The following TBC1D22B variants were observed in gnomAD, a reference collection of about 807,000 sequenced individuals.
TBC1D22B encodes the protein chromosome 6 open reading frame 197.
A neutral mutation model predicts 69.1 loss-of-function variants in TBC1D22B; 32 were observed. The ratio of observed to expected loss-of-function variants is 0.46; its 90% confidence interval spans 0.35 to 0.62. TBC1D22B has a LOEUF of 0.62. Among genes scored for constraint, TBC1D22B ranks in the 20% least tolerant of loss-of-function variants. The pLI is 0.00. For missense variants in TBC1D22B, 462 were observed against 630.9 expected, an observed-to-expected ratio of 0.73 and a Z score of 2.87; for synonymous variants, 206 against 229.8, an observed-to-expected ratio of 0.90 and a Z score of 0.94.
At chr6:37,266,606 T>C (rs901755535) in intron 1 of TBC1D22B, among the ~76,000 whole-genome samples, 2 of 151,922 alleles carry the variant, frequency 1.3e-5, no homozygotes, top group Non-Finnish European at 2.9e-5. Context: ...GGATTACAGG[T>C]GCCTGCCACC....
At chr6:37,312,276 C>T (rs774241666) in intron 8 of TBC1D22B, among the ~76,000 whole-genome samples, 33 of 152,088 alleles carry the variant, frequency 2.2e-4, no homozygotes, top group Non-Finnish European at 4.6e-4. Context: ...GTCTGTGGAA[C>T]CCCCCCTTTT....
rs1382065829 is a variant in TBC1D22B, at chr6:37,331,267, C to A, written c.*95C>A. On this transcript the variant is annotated 3_prime_UTR_variant, in exon 13 of 13. Transcript: ENST00000373491. ...CGAGCCGTGGACCCCGGCCAGGAAC[C>A]ACTCCTGTTGTACAAAGCTCACACC... The A allele has an allele frequency of 3.7e-6, 5 of 1,337,460 alleles. No homozygotes were observed. The Admixed American group carries it at 7.1e-5, about 19-fold the overall frequency. 82.8% of individuals were successfully genotyped at this position (1,337,460 alleles called of 1,614,324 possible). A position where few individuals can be genotyped will look rare whatever the true frequency, so the allele number is the denominator to read the frequency against.
intron 1 of TBC1D22B, among the ~76,000 whole-genome samples, chr6:37,268,350 TCCCAA>T (rs1220271790): frequency 1.3e-5 from 2 of 152,054 alleles, no homozygotes; most frequent in African/African-American, 4.8e-5. Context: ...CGTCTCAGCC[TCCCAA>T]GTAGCTGAGG....
chr6:37,330,411 T>C (rs900387493), intron 12 of TBC1D22B, among the ~76,000 whole-genome samples: 1 of 152,012 alleles, frequency 6.6e-6, no homozygotes, highest in Non-Finnish European at 1.5e-5. Flanking sequence ...GCTAATTGTT[T>C]GTATTTTTAG....
intron 8 of TBC1D22B, chr6:37,295,621 A>T: frequency 2.3e-6 from 1 of 433,584 alleles, no homozygotes; most frequent in Non-Finnish European, 4.7e-6. Context: ...AGTTGAGTTT[A>T]CTATTATCAA....
intron 2 of TBC1D22B, among the ~76,000 whole-genome samples, chr6:37,272,364 C>G (rs1384575734): frequency 7.4e-6 from 1 of 135,862 alleles, no homozygotes; most frequent in Non-Finnish European, 1.6e-5. Flanking sequence ...TATGTCCAGC[C>G]TTTTTTTTTT....
At chr6:37,268,991 G>C (rs896567642) in intron 1 of TBC1D22B, among the ~76,000 whole-genome samples, 20 of 152,218 alleles carry the variant, frequency 1.3e-4, no homozygotes, top group Admixed American at 1.1e-3. Flanking sequence ...ACGAGCCATG[G>C]TGCTTTGAAT....
At chr6:37,313,500 AAAAC>A (rs1386494222) in intron 9 of TBC1D22B, among the ~76,000 whole-genome samples, 1 of 151,988 alleles carries the variant, frequency 6.6e-6, no homozygotes, top group Non-Finnish European at 1.5e-5. Context: ...AAAAAAAAAA[AAAAC>A]AAAACAGTGA....
chr6:37,262,840 C>G (rs933927916), intron 1 of TBC1D22B, among the ~76,000 whole-genome samples: 1 of 152,168 alleles, frequency 6.6e-6, no homozygotes, highest in Non-Finnish European at 1.5e-5. Context: ...AAACAAACAC[C>G]TGTTGATTTT....
chr6:37,287,446 T>A (rs555424305), intron 7 of TBC1D22B, among the ~76,000 whole-genome samples: 53 of 152,366 alleles, frequency 3.5e-4, no homozygotes, highest in African/African-American at 1.2e-3. Context: ...TACAGTTCAG[T>A]GGCATTAAGT....
intron 7 of TBC1D22B, among the ~76,000 whole-genome samples, chr6:37,288,942 G>A (rs542507188): frequency 1.3e-5 from 2 of 152,154 alleles, no homozygotes; most frequent in South Asian, 4.2e-4. Flanking sequence ...AGGCTAGAGT[G>A]CAGTGGCATG....
chr6:37,317,214 G>T lies in TBC1D22B; in HGVS notation c.1389+8G>T. The T allele has an allele frequency of 6.4e-7, 1 of 1,559,830 alleles. No homozygotes were observed. The highest frequency in any genetic ancestry group is 8.7e-7 in the Non-Finnish European group (1 of 1,150,386). ...GATGAGGAGGATTTTCAGGTGAGTG[G>T]CCAAGAGCTTAGTGTGGGCAGGGAA... On this transcript the variant is annotated splice_region_variant and intron_variant, in intron 12 of 12. Transcript: ENST00000373491.
chr6:37,275,622 G>A (rs922788990), intron 2 of TBC1D22B, among the ~76,000 whole-genome samples: 1 of 152,034 alleles, frequency 6.6e-6, no homozygotes, highest in Non-Finnish European at 1.5e-5. Flanking sequence ...CTGTAAATGG[G>A]ACTAACAAAA....
intron 12 of TBC1D22B, among the ~76,000 whole-genome samples, chr6:37,319,940 T>G (rs1293215127): frequency 6.6e-6 from 1 of 152,156 alleles, no homozygotes; most frequent in Non-Finnish European, 1.5e-5. Flanking sequence ...CTGCTTGTAG[T>G]GAAATCACTG....
intron 2 of TBC1D22B, among the ~76,000 whole-genome samples, chr6:37,275,786 T>G (rs963775026): frequency 6.6e-6 from 1 of 152,158 alleles, no homozygotes; most frequent in African/African-American, 2.4e-5. Flanking sequence ...ATGTATTTAT[T>G]TGTGAATTTA....
intron 4 of TBC1D22B, among the ~76,000 whole-genome samples, 153 bp from the exon 5 acceptor site, chr6:37,282,729 C>T (rs774344349): frequency 6.6e-6 from 1 of 152,126 alleles, no homozygotes; most frequent in Non-Finnish European, 1.5e-5. Flanking sequence ...CTTAGCTGCT[C>T]GGGGCTGTTT....
chr6:37,326,251 G>A (rs1466777024), intron 12 of TBC1D22B, among the ~76,000 whole-genome samples: 4 of 151,574 alleles, frequency 2.6e-5, no homozygotes, highest in Non-Finnish European at 5.9e-5. Context: ...GCAGTGGCGC[G>A]CACCTGTAAT....
chr6:37,331,330 C>A lies in TBC1D22B; in HGVS notation c.*158C>A. ...CTTAACTTTCTGGCATCCACCACTC[C>A]ATGTCTCTGGATGTGTCACTTGGAC... On this transcript the variant is annotated 3_prime_UTR_variant, in exon 13 of 13. Coordinates refer to ENST00000373491, the MANE Select transcript of TBC1D22B (RefSeq NM_017772.4). 1.5e-6 allele frequency: 1 copy of A among 674,436 alleles called. No individual in the cohort carries two copies. The highest frequency in any genetic ancestry group is 2.5e-6 in the Non-Finnish European group (1 of 392,840). 41.8% of individuals were successfully genotyped at this position (674,436 alleles called of 1,614,324 possible). A position where few individuals can be genotyped will look rare whatever the true frequency, so the allele number is the denominator to read the frequency against.
Position 37,269,634 on chromosome 6 carries a change from C to T in TBC1D22B, c.97C>T (p.Pro33Ser). Residue 33 changes from proline (P) to serine (S), a missense_variant, in exon 2 of 13, where the codon CCA (proline) becomes TCA (serine). Pro to Ser is a moderately conservative substitution (Grantham distance 74, BLOSUM62 -1). Around this residue, in one of 2 missense-constraint regions of TBC1D22B, gnomAD observed 237 missense variants for 255.4 expected, o/e 0.93. Transcript: ENST00000373491. Reference protein sequence around the residue: ...VYGAQHPPLDPRLTKNFIKER... With the variant: ...VYGAQHPPLDSRLTKNFIKER... ...TGGAGCACAGCATCCTCCTCTTGACCCACGGCTCACCAAAAAGTAAGTCAA... is the reference window on the plus strand; with the variant it reads ...TGGAGCACAGCATCCTCCTCTTGACTCACGGCTCACCAAAAAGTAAGTCAA... 1 of 1,614,086 alleles carries T rather than the reference C, an allele frequency of 6.2e-7. No individual in the cohort carries two copies.
Sources: gnomAD v4.1 joint callset for allele counts (sites outside exome capture counted in the v4.1 genomes callset) on GRCh38, gnomAD v4.1.1 for gene constraint, gnomAD v4.1.1 regional missense constraint, MANE v1.5 for transcripts, NCBI Gene and HGNC (gene_info 2026-07-23, HGNC 2026-07-21) for gene names.